The following ERC2 variants were observed in gnomAD, a reference collection of about 807,000 sequenced individuals.
The protein encoded by ERC2 is ELKS/RAB6-interacting/CAST family member 2, also known as ERC protein 2.
ERC2 carries 42 observed loss-of-function variants against 114.8 expected under a neutral mutation model. The ratio of observed to expected loss-of-function variants is 0.37; its 90% CI spans 0.29 to 0.47. ERC2 has a LOEUF of 0.47. Ranked by LOEUF, ERC2 falls within the 20% of genes least tolerant of loss-of-function variation. The pLI is 0.99. For missense variants in ERC2, 939 were observed against 1,150.7 expected (o/e 0.82, Z 2.66); for synonymous variants, 454 against 425.5 (o/e 1.07, Z -0.82).
chr3:55,549,725 G>A (rs879389901), intron 17 of ERC2, among the ~76,000 whole-genome samples: 1 of 152,018 alleles, frequency 6.6e-6, no homozygotes, highest in Non-Finnish European at 1.5e-5. Flanking sequence ...TCTCTGGGTG[G>A]TTGCCTGCTT....
At chr3:55,593,154 G>A (rs1559710237) in intron 17 of ERC2, among the ~76,000 whole-genome samples, 1 of 152,202 alleles carries the variant, frequency 6.6e-6, no homozygotes, top group Non-Finnish European at 1.5e-5. Flanking sequence ...ATCCAGCGCT[G>A]CTTTCATCCA....
intron 3 of ERC2, among the ~76,000 whole-genome samples, chr3:56,227,961 G>A (rs2050361041): frequency 6.6e-6 from 1 of 152,070 alleles, no homozygotes; most frequent in African/African-American, 2.4e-5. Context: ...TTACAGATAT[G>A]GATAACAACA....
intron 7 of ERC2, among the ~76,000 whole-genome samples, chr3:56,028,918 AAACAGATGTTCGCTAT>A (rs1359725459): frequency 9.9e-5 from 15 of 152,184 alleles, no homozygotes; most frequent in Non-Finnish European, 2.2e-4. Flanking sequence ...TAATGGTGAA[AAACAGATGTTCGCTAT>A]AGGTTTTTTG....
chr3:56,254,140 G>A (rs2150241055), intron 3 of ERC2, among the ~76,000 whole-genome samples: 1 of 152,360 alleles, frequency 6.6e-6, no homozygotes, highest in Admixed American at 6.5e-5. Context: ...CAGAGAGCTG[G>A]CTTGTAATTG....
At chr3:56,175,856 G>A (rs1379893470) in intron 3 of ERC2, among the ~76,000 whole-genome samples, 1 of 152,152 alleles carries the variant, frequency 6.6e-6, no homozygotes, top group African/African-American at 2.4e-5. Flanking sequence ...ATTTAATTGT[G>A]AGTTTGTACA....
rs1368374479 is a variant in ERC2, at chr3:56,468,027, G to A, written c.-141+221C>T. On this transcript the variant is annotated intron_variant, in intron 1 of 17. Transcript: ENST00000288221. ...GGAAACCGTGCACTTGTTCCAATCC[G>A]GGGGTTTATACATCAGGGCAAAGCC... Among the ~76,000 whole-genome samples the A allele has an allele frequency of 3.3e-5, 5 of 152,076 alleles. No homozygotes were observed. In the South Asian group the frequency reaches 6.2e-4, roughly 19 times the overall value.
At chr3:55,549,292 A>G (rs1378787456) in intron 17 of ERC2, among the ~76,000 whole-genome samples, 2 of 152,010 alleles carry the variant, frequency 1.3e-5, no homozygotes, top group East Asian at 1.9e-4. Context: ...TGCAAAAAAA[A>G]AGGCCTCTAT....
intron 16 of ERC2, among the ~76,000 whole-genome samples, chr3:55,690,508 T>C (rs948089453): frequency 2.6e-5 from 4 of 152,158 alleles, no homozygotes; most frequent in Non-Finnish European, 5.9e-5. Flanking sequence ...CCAAGATGCG[T>C]TGCATCTGTA....
chr3:55,523,197 G>A (rs1053023287), intron 17 of ERC2, among the ~76,000 whole-genome samples: 1 of 152,248 alleles, frequency 6.6e-6, no homozygotes, highest in Non-Finnish European at 1.5e-5. Flanking sequence ...GCCCAATGCA[G>A]CAGGACTGCA....
At chr3:55,769,432 G>A (rs926031337) in intron 14 of ERC2, among the ~76,000 whole-genome samples, 2 of 151,778 alleles carry the variant, frequency 1.3e-5, no homozygotes, top group Non-Finnish European at 2.9e-5. Flanking sequence ...CATCTTAGGG[G>A]GAACATCACA....
At position 56,016,983 on chromosome 3, in the gene ERC2, C is replaced by T. The variant is rs139531088; in HGVS notation, c.1779+1911G>A. Among the ~76,000 whole-genome samples, 701 of 152,214 alleles carry T rather than the reference C, an allele frequency of 4.6e-3. 6 individuals carry two copies. The highest frequency in any genetic ancestry group is 7.9e-3 in the Non-Finnish European group (538 of 68,018). ...CCCATGCATGTGTGGACAAATCCTG[C>T]AAAGTGCTGCAGGATCAAAAATGAT... On this transcript the variant is annotated intron_variant, in intron 8 of 17. Transcript: ENST00000288221.
At chr3:56,359,289 A>C (rs1240167484) in intron 2 of ERC2, among the ~76,000 whole-genome samples, 1 of 152,230 alleles carries the variant, frequency 6.6e-6, no homozygotes, top group Non-Finnish European at 1.5e-5. Flanking sequence ...CCACAAATGA[A>C]TATGATTACC....
intron 16 of ERC2, among the ~76,000 whole-genome samples, chr3:55,694,132 T>A (rs576901958): frequency 2.2e-4 from 33 of 152,182 alleles, no homozygotes; most frequent in Non-Finnish European, 4.6e-4. Context: ...AGTTGTGCAA[T>A]CATAAATACA....
intron 3 of ERC2, among the ~76,000 whole-genome samples, chr3:56,294,652 T>C (rs182724699): frequency 1.3e-5 from 2 of 152,344 alleles, no homozygotes; most frequent in Admixed American, 1.3e-4. Flanking sequence ...GGAAATAACA[T>C]TGACATTCTG....
At chr3:56,336,602 T>C (rs1225885040) in intron 2 of ERC2, among the ~76,000 whole-genome samples, 1 of 152,072 alleles carries the variant, frequency 6.6e-6, no homozygotes, top group Non-Finnish European at 1.5e-5. Flanking sequence ...AAGACCAGCC[T>C]GGCCAACATG....
At chr3:55,780,208 A>G (rs2068927653) in intron 14 of ERC2, among the ~76,000 whole-genome samples, 1 of 152,236 alleles carries the variant, frequency 6.6e-6, no homozygotes, top group Non-Finnish European at 1.5e-5. Context: ...AAAACATACT[A>G]AAACCGCTAT....
chr3:55,694,150 G>C (rs544175097), intron 16 of ERC2, among the ~76,000 whole-genome samples: 5 of 152,218 alleles, frequency 3.3e-5, no homozygotes, highest in Non-Finnish European at 5.9e-5. Flanking sequence ...ACACGTGGTT[G>C]CATAGATGTA....
intron 2 of ERC2, among the ~76,000 whole-genome samples, chr3:56,313,318 T>C (rs1489911168): frequency 6.6e-6 from 1 of 151,924 alleles, no homozygotes. Flanking sequence ...AATCACTGAA[T>C]TGTACCATTT....
At chr3:56,002,215 A>G (rs1246347046) in intron 10 of ERC2, among the ~76,000 whole-genome samples, 1 of 152,124 alleles carries the variant, frequency 6.6e-6, no homozygotes, top group Non-Finnish European at 1.5e-5. Flanking sequence ...TGGCTTAACA[A>G]ATAAAAAGTT....
Sources: allele counts gnomAD v4.1 joint callset (sites outside exome capture counted in the v4.1 genomes callset), GRCh38; gene constraint gnomAD v4.1.1; transcripts MANE v1.5; gene names NCBI Gene and HGNC (gene_info 2026-07-23, HGNC 2026-07-21).